The following TOX variants were observed in gnomAD, a reference collection of about 807,000 sequenced individuals.
TOX encodes the protein thymocyte selection-associated high mobility group box protein TOX.
TOX carries 11 observed loss-of-function variants against 53.7 expected under a neutral mutation model. That is an observed-to-expected ratio of 0.20 (90% CI 0.13 to 0.34). The LOEUF (loss-of-function observed/expected upper bound fraction) is 0.34. Ranked by LOEUF, TOX falls within the 10% of genes least tolerant of loss-of-function variation. TOX has a pLI of 1.00. For synonymous variants in TOX, 225 were observed against 245.3 expected, an observed-to-expected ratio of 0.92 and a Z score of 0.77; for missense variants, 570 against 664.6, an observed-to-expected ratio of 0.86 and a Z score of 1.56.
intron 1 of TOX, among the ~76,000 whole-genome samples, chr8:58,998,028 G>A (rs1467091938): frequency 1.3e-5 from 2 of 151,896 alleles, no homozygotes; most frequent in Non-Finnish European, 2.9e-5. Flanking sequence ...TCCTGACCTC[G>A]TGATCCGCCC....
At chr8:58,889,272 T>C (rs1195541713) in intron 3 of TOX, among the ~76,000 whole-genome samples, 2 of 141,708 alleles carry the variant, frequency 1.4e-5, no homozygotes, top group African/African-American at 5.2e-5. Flanking sequence ...AACAGGATAC[T>C]AGTTAATTGA....
rs528208293 is a variant in TOX, at chr8:59,068,378, C to T, written c.102+50508G>A. ...GTGGGGGAGATAGCTGTAAAGGAGACGGGGGATAAAGAAGAAAACAAGAAA... is the reference window on the plus strand; with the variant it reads ...GTGGGGGAGATAGCTGTAAAGGAGATGGGGGATAAAGAAGAAAACAAGAAA... On this transcript the variant is annotated intron_variant, in intron 1 of 8. Transcript: ENST00000361421. 1.8e-4 allele frequency among the ~76,000 whole-genome samples: 25 copies of T among 137,764 alleles called. 1 individual carries two copies. The highest frequency in any genetic ancestry group is 6.3e-4 in the East Asian group (3 of 4,744). The allele number at this position is 137,764 out of a possible 152,430, so 90.4% of individuals were successfully genotyped here.
At chr8:59,089,363 G>A (rs1804567662) in intron 1 of TOX, among the ~76,000 whole-genome samples, 1 of 152,120 alleles carries the variant, frequency 6.6e-6, no homozygotes, top group Admixed American at 6.5e-5. Flanking sequence ...CAGCACAGTG[G>A]GTTGTGAGAC....
At chr8:58,993,410 T>C (rs2129417548) in intron 1 of TOX, among the ~76,000 whole-genome samples, 1 of 152,290 alleles carries the variant, frequency 6.6e-6, no homozygotes, top group Non-Finnish European at 1.5e-5. Flanking sequence ...TCACCAGGAA[T>C]GGCAGAAGGA....
At chr8:58,924,999 TAC>T (rs1266011213) in intron 3 of TOX, among the ~76,000 whole-genome samples, 1 of 152,204 alleles carries the variant, frequency 6.6e-6, no homozygotes, top group Non-Finnish European at 1.5e-5. Context: ...CAGCGCTCCC[TAC>T]TTTCCAGAAG....
intron 1 of TOX, among the ~76,000 whole-genome samples, chr8:58,972,191 T>G (rs930354922): frequency 6.6e-6 from 1 of 152,204 alleles, no homozygotes; most frequent in African/African-American, 2.4e-5. Flanking sequence ...ACACATTTAT[T>G]TACTCTGTAT....
intron 1 of TOX, among the ~76,000 whole-genome samples, chr8:59,063,903 TGTGTGTGTGTTC>T (rs890657881): frequency 1.3e-5 from 2 of 151,834 alleles, no homozygotes; most frequent in African/African-American, 4.8e-5. Flanking sequence ...CATGTATGTG[TGTGTGTGTGTTC>T]GTGTGTGTGT....
At chr8:59,024,986 A>G (rs1484840141) in intron 1 of TOX, among the ~76,000 whole-genome samples, 9 of 152,342 alleles carry the variant, frequency 5.9e-5, no homozygotes, top group Non-Finnish European at 1.5e-5. Flanking sequence ...TATAGTAGCC[A>G]CAGAAATCCC....
chr8:58,967,169 C>T (rs529201957), intron 1 of TOX, among the ~76,000 whole-genome samples: 4 of 152,256 alleles, frequency 2.6e-5, no homozygotes, highest in South Asian at 2.1e-4. Context: ...CCACCACACC[C>T]GGCCAAGTTA....
chr8:58,909,522 C>T (rs1022532237), intron 3 of TOX, among the ~76,000 whole-genome samples: 1 of 152,110 alleles, frequency 6.6e-6, no homozygotes, highest in African/African-American at 2.4e-5. Context: ...TAATTCTGTA[C>T]CAGTAACCTA....
intron 4 of TOX, among the ~76,000 whole-genome samples, chr8:58,847,020 T>A (rs13260651): frequency 0.46 from 70,651 of 151,974 alleles, 18,551 homozygotes; most frequent in African/African-American, 0.73. Context: ...CTGAACATAC[T>A]CTATGTGGGT....
At chr8:58,826,735 A>T in intron 6 of TOX, 87 bp downstream of exon 6, 1 of 1,153,542 alleles carries the variant, frequency 8.7e-7, no homozygotes, top group South Asian at 1.7e-5. Flanking sequence ...AGAATCGTTA[A>T]AGTGATCTTT....
At chr8:59,115,726 T>C (rs1400452145) in intron 1 of TOX, among the ~76,000 whole-genome samples, 1 of 152,184 alleles carries the variant, frequency 6.6e-6, no homozygotes, top group Admixed American at 6.5e-5. Flanking sequence ...CTGACCTATA[T>C]ACAGCAACAT....
chr8:59,110,525 C>CGTTA (rs1308544132), intron 1 of TOX, among the ~76,000 whole-genome samples: 1 of 152,090 alleles, frequency 6.6e-6, no homozygotes, highest in East Asian at 1.9e-4. Context: ...TAATCTTGCA[C>CGTTA]ATTATATTTC....
intron 3 of TOX, among the ~76,000 whole-genome samples, chr8:58,887,776 A>G (rs1032747826): frequency 4.6e-5 from 7 of 151,958 alleles, no homozygotes; most frequent in African/African-American, 1.4e-4. Context: ...TTTACCTCTT[A>G]AACTTTTTAA....
intron 8 of TOX, 138 bp from the exon 9 acceptor site, chr8:58,807,921 C>A: frequency 2.3e-6 from 3 of 1,304,418 alleles, no homozygotes; most frequent in South Asian, 2.6e-5. Flanking sequence ...TAACCTACAT[C>A]TGAAGTGAGA....
chr8:59,077,879 G>A (rs982166617), intron 1 of TOX, among the ~76,000 whole-genome samples: 15 of 152,064 alleles, frequency 9.9e-5, no homozygotes, highest in African/African-American at 3.6e-4. Flanking sequence ...AATCCTTTTT[G>A]CCCCTTAATC....
chr8:58,868,978 G>C (rs1811150379), intron 3 of TOX, among the ~76,000 whole-genome samples: 1 of 151,686 alleles, frequency 6.6e-6, no homozygotes, highest in Admixed American at 6.6e-5. Context: ...ACCAATATCA[G>C]AAATGAAAGA....
At chr8:59,008,734 A>C (rs1813840443) in intron 1 of TOX, among the ~76,000 whole-genome samples, 1 of 152,200 alleles carries the variant, frequency 6.6e-6, no homozygotes, top group East Asian at 1.9e-4. Flanking sequence ...TGGATTTCTC[A>C]TGGTGGCTGT....
Sources: allele counts gnomAD v4.1 joint callset (sites outside exome capture counted in the v4.1 genomes callset), GRCh38; gene constraint gnomAD v4.1.1; transcripts MANE v1.5; gene names NCBI Gene and HGNC (gene_info 2026-07-23, HGNC 2026-07-21).